DOK6: variants seen among roughly 807,000 people sequenced by gnomAD.
DOK6 encodes the protein docking protein 6, also known as downstream of tyrosine kinase 6.
A neutral mutation model predicts 44.0 loss-of-function variants in DOK6; 22 were observed. The observed-to-expected ratio is 0.50, with a 90% CI of 0.36 to 0.71. The LOEUF (loss-of-function observed/expected upper bound fraction) is 0.71. DOK6 is among the 30% of genes least tolerant of loss of function. The pLI, the probability that DOK6 is intolerant of heterozygous loss-of-function variation, is 0.00. For missense variants in DOK6, 340 were observed against 416.4 expected (o/e 0.82, Z 1.60); for synonymous variants, 166 against 145.5 (o/e 1.14, Z -1.01).
intron 1 of DOK6, among the ~76,000 whole-genome samples, chr18:69,550,964 A>G (rs1182801251): frequency 1.3e-5 from 2 of 150,750 alleles, no homozygotes; most frequent in Non-Finnish European, 3.0e-5. Flanking sequence ...TTGTGTTTTT[A>G]GTAGAGACAG....
At chr18:69,644,739 CT>C (rs1985029021) in intron 3 of DOK6, among the ~76,000 whole-genome samples, 1 of 152,146 alleles carries the variant, frequency 6.6e-6, no homozygotes, top group African/African-American at 2.4e-5. Flanking sequence ...TATTCAAGAC[CT>C]GCTGATACTG....
At chr18:69,620,861 T>C (rs1002401546) in intron 3 of DOK6, among the ~76,000 whole-genome samples, 2 of 152,204 alleles carry the variant, frequency 1.3e-5, no homozygotes, top group African/African-American at 2.4e-5. Flanking sequence ...GTGTTTTATG[T>C]ACAAGAAACT....
intron 1 of DOK6, among the ~76,000 whole-genome samples, chr18:69,436,592 C>A (rs566632839): frequency 6.6e-6 from 1 of 152,262 alleles, no homozygotes; most frequent in Admixed American, 6.5e-5. Context: ...CAAGTCTTTG[C>A]TATTGTGAAC....
rs199575857 is a variant in DOK6, at chr18:69,841,397, G to A, written c.*14G>A. On this transcript the variant is annotated 3_prime_UTR_variant, in exon 8 of 8. Transcript: ENST00000382713. ...CTCATCCAATGACACACAGAGAGCC[G>A]CTGTTGACTAGAGAGACAGTCTGTC... is the stretch of plus-strand genomic sequence containing the variant. 34 of 1,613,874 alleles carry A rather than the reference G, an allele frequency of 2.1e-5. No homozygotes were observed. Among genetic ancestry groups the A allele is most frequent in the Non-Finnish European group, 2.3e-5 (27 of 1,179,964 alleles).
chr18:69,550,274 CT>C (rs1982527346), intron 1 of DOK6, among the ~76,000 whole-genome samples: 1 of 151,974 alleles, frequency 6.6e-6, no homozygotes, highest in South Asian at 2.1e-4. Flanking sequence ...AACAAAATGC[CT>C]GTATGAAAAT....
chr18:69,554,998 T>A (rs1982652742), intron 1 of DOK6, among the ~76,000 whole-genome samples: 1 of 152,188 alleles, frequency 6.6e-6, no homozygotes, highest in South Asian at 2.1e-4. Flanking sequence ...TTTTGGATTA[T>A]TTACATATTC....
chr18:69,491,760 A>T (rs1980740824), intron 1 of DOK6, among the ~76,000 whole-genome samples: 1 of 152,210 alleles, frequency 6.6e-6, no homozygotes, highest in South Asian at 2.1e-4. Context: ...GAGATTGTTT[A>T]TTGTATCTGC....
intron 5 of DOK6, among the ~76,000 whole-genome samples, chr18:69,735,520 A>G (rs1978575923): frequency 6.6e-6 from 1 of 152,268 alleles, no homozygotes; most frequent in African/African-American, 2.4e-5. Context: ...GTGGGGTTGC[A>G]TGGGGACACC....
chr18:69,475,434 A>T (rs181719670), intron 1 of DOK6, among the ~76,000 whole-genome samples: 1 of 152,368 alleles, frequency 6.6e-6, no homozygotes, highest in East Asian at 1.9e-4. Context: ...ATTTGACATT[A>T]GAAGTATGAA....
At chr18:69,737,271 T>A (rs185896749) in intron 5 of DOK6, among the ~76,000 whole-genome samples, 1 of 152,200 alleles carries the variant, frequency 6.6e-6, no homozygotes, top group Admixed American at 6.5e-5. Context: ...CTTACCATCA[T>A]GGCAGAAGGT....
intron 7 of DOK6, among the ~76,000 whole-genome samples, chr18:69,840,226 C>A (rs1231863313): frequency 6.6e-6 from 1 of 152,248 alleles, no homozygotes; most frequent in African/African-American, 2.4e-5. Context: ...TGTTCCTCGC[C>A]CAGGCGATCA....
intron 1 of DOK6, among the ~76,000 whole-genome samples, chr18:69,431,315 G>T (rs1322365120): frequency 6.6e-6 from 1 of 152,186 alleles, no homozygotes; most frequent in African/African-American, 2.4e-5. Flanking sequence ...ACAGAGAGCT[G>T]TGTCCAGTTA....
At chr18:69,584,251 C>G (rs1013856040) in intron 2 of DOK6, among the ~76,000 whole-genome samples, 7 of 151,522 alleles carry the variant, frequency 4.6e-5, no homozygotes, top group Non-Finnish European at 1.0e-4. Flanking sequence ...TTTTTCTTTT[C>G]CTTTCACTTT....
At chr18:69,403,467 T>C (rs982940663) in intron 1 of DOK6, among the ~76,000 whole-genome samples, 1 of 152,246 alleles carries the variant, frequency 6.6e-6, no homozygotes, top group Non-Finnish European at 1.5e-5. Context: ...CTGTGTTCAC[T>C]GTTTAGAGCT....
At chr18:69,559,962 T>C (rs1318520556) in intron 1 of DOK6, among the ~76,000 whole-genome samples, 5 of 152,084 alleles carry the variant, frequency 3.3e-5, no homozygotes, top group Admixed American at 1.3e-4. Context: ...CCCTACTTAC[T>C]TCCCAAAGGC....
intron 1 of DOK6, among the ~76,000 whole-genome samples, chr18:69,549,571 A>C (rs1322133872): frequency 6.6e-6 from 1 of 151,686 alleles, no homozygotes; most frequent in Non-Finnish European, 1.5e-5. Context: ...ATTTAAAAAA[A>C]TTGAATGGCT....
rs541892602 is a variant in DOK6, at chr18:69,757,849, G to A, written c.832G>A (p.Val278Ile). The A allele has an allele frequency of 3.1e-6, 5 of 1,614,100 alleles. No individual in the cohort carries two copies. The highest frequency in any genetic ancestry group is 2.2e-5 in the East Asian group (1 of 44,874). Reference sequence around the variant, plus strand: ...GCATCACATCACTCGTCAGAACAGCGTTGGTGAAATCTACAGTTTGCAAGG... The same window carrying A: ...GCATCACATCACTCGTCAGAACAGCATTGGTGAAATCTACAGTTTGCAAGG... ...YWHHITRQNS[V>I]GEIYSLQGHG... The change falls in exon 7 of 8, where the codon GTT becomes ATT. Residue 278 changes from valine to isoleucine, a missense_variant. By Grantham distance (29) the Val-to-Ile change is conservative. Around this residue, in one of 3 missense-constraint regions of DOK6, gnomAD observed 112 missense variants for 109.3 expected, o/e 1.02. Transcript: ENST00000382713.
chr18:69,757,982 A>G (rs1979416335), intron 7 of DOK6, 109 bp downstream of exon 7: 4 of 940,846 alleles, frequency 4.3e-6, no homozygotes, highest in Admixed American at 3.6e-5. Context: ...TCCCATTCCC[A>G]TTTATCAGCT....
intron 1 of DOK6, among the ~76,000 whole-genome samples, chr18:69,549,106 A>C (rs1014170504): frequency 4.0e-5 from 6 of 150,956 alleles, no homozygotes; most frequent in African/African-American, 1.2e-4. Context: ...AAAAAAAAAA[A>C]AACAACAACA....
Sources: gnomAD v4.1 joint callset for allele counts (sites outside exome capture counted in the v4.1 genomes callset) on GRCh38, gnomAD v4.1.1 for gene constraint, gnomAD v4.1.1 regional missense constraint, MANE v1.5 for transcripts, NCBI Gene and HGNC (gene_info 2026-07-23, HGNC 2026-07-21) for gene names.